The following MCMDC2 variants were observed in gnomAD, a reference collection of about 807,000 sequenced individuals.
MCMDC2 encodes the protein minichromosome maintenance domain containing 2, also known as minichromosome maintenance domain-containing protein 2.
MCMDC2 carries 54 observed loss-of-function variants against 75.8 expected under a neutral mutation model. That is an observed-to-expected ratio of 0.71 (90% confidence interval 0.57 to 0.89). The LOEUF is 0.89. Ranked by LOEUF, MCMDC2 falls within the 40% of genes least tolerant of loss-of-function variation. MCMDC2 has a pLI of 0.00. For missense variants in MCMDC2, 656 were observed against 780.4 expected (o/e 0.84, Z 1.90); for synonymous variants, 249 against 274.6 (o/e 0.91, Z 0.92).
chr8:66,896,729 G>A (rs971079994), intron 11 of MCMDC2, 51 bp from the exon 12 acceptor site: 3 of 1,333,972 alleles, frequency 2.2e-6, no homozygotes, highest in Non-Finnish European at 3.0e-6. Flanking sequence ...TTTCCAAATT[G>A]TGAAAATTAC....
At chr8:66,922,337 G>C (rs1813579005), downstream of MCMDC2, 1 of 306,058 alleles carries the variant, frequency 3.3e-6, no homozygotes, top group Non-Finnish European at 6.6e-6. Context: ...AGGTAACGAA[G>C]CAGAAGTATT....
At chr8:66,923,155 T>A (rs1813615439), downstream of MCMDC2, among the ~76,000 whole-genome samples, 1 of 152,192 alleles carries the variant, frequency 6.6e-6, no homozygotes, top group South Asian at 2.1e-4. Flanking sequence ...GGATGAGCTA[T>A]GAGCCAGGTT....
At chr8:66,889,675 T>C (rs1453123806) in intron 9 of MCMDC2, among the ~76,000 whole-genome samples, 2 of 152,068 alleles carry the variant, frequency 1.3e-5, no homozygotes, top group Non-Finnish European at 2.9e-5. Flanking sequence ...GGCTTGTGTC[T>C]GTGGTCCCAG....
intron 1 of MCMDC2, among the ~76,000 whole-genome samples, 166 bp from the exon 2 acceptor site, chr8:66,873,886 CA>C (rs901398913): frequency 3.8e-4 from 52 of 137,646 alleles, no homozygotes; most frequent in East Asian, 1.0e-3. Flanking sequence ...GACTCCATCT[CA>C]AAAAAAAAAA....
rs1402463146 is a variant in MCMDC2, at chr8:66,874,218, T to C, written c.78T>C (p.Asp26=). 6.2e-7 allele frequency: 1 copy of C among 1,612,140 alleles called. No homozygotes were observed. Among genetic ancestry groups the C allele is most frequent in the Admixed American group, 1.7e-5 (1 of 59,618 alleles). The change falls in exon 2 of 15, where the codon GAT becomes GAC. Residue 26 remains aspartate, a synonymous_variant. Coordinates refer to ENST00000422365, the MANE Select transcript of MCMDC2 (RefSeq NM_173518.5). ...RSGGLQKFID[D]CKYYNDSKQS... ...GAGGCCTCCAAAAGTTTATAGATGA[T>C]TGCAAGTACTACAATGGTACGTTCA... is the stretch of plus-strand genomic sequence containing the variant.
intron 14 of MCMDC2, among the ~76,000 whole-genome samples, chr8:66,913,039 G>A (rs760050730): frequency 1.4e-4 from 21 of 151,408 alleles, no homozygotes; most frequent in Non-Finnish European, 2.5e-4. Context: ...AAACTTCATT[G>A]TTGTCTCATT....
At chr8:66,874,922 A>AAG (rs1348754878) in intron 4 of MCMDC2, among the ~76,000 whole-genome samples, 1 of 151,842 alleles carries the variant, frequency 6.6e-6, no homozygotes, top group Non-Finnish European at 1.5e-5. Flanking sequence ...CGCTCAGCTA[A>AAG]TTTTTGTATT....
chr8:66,892,712 C>G (rs1388287949), intron 10 of MCMDC2, among the ~76,000 whole-genome samples: 1 of 152,190 alleles, frequency 6.6e-6, no homozygotes, highest in African/African-American at 2.4e-5. Flanking sequence ...CCACCCAGAA[C>G]TGGCAGCCTG....
intron 7 of MCMDC2, among the ~76,000 whole-genome samples, chr8:66,879,246 G>T (rs1310885694): frequency 1.3e-5 from 2 of 151,932 alleles, no homozygotes; most frequent in Admixed American, 1.3e-4. Context: ...ACTCCAGTCT[G>T]GGCAACAGAG....
At position 66,896,819 on chromosome 8, in the gene MCMDC2, G is replaced by A. The variant is rs1397426583; in HGVS notation, c.1486G>A (p.Gly496Ser). ...LIPANLVEAF[G>S]LLINCNESSP... ...TCCAGCTAACCTTGTGGAGGCATTTGGTTTATTGATTAACTGCAACGAGTC... is the reference window on the plus strand; with the variant it reads ...TCCAGCTAACCTTGTGGAGGCATTTAGTTTATTGATTAACTGCAACGAGTC... Residue 496 changes from glycine (G) to serine (S), a missense_variant, in exon 12 of 15, where the codon GGT (glycine) becomes AGT (serine). Coordinates refer to ENST00000422365, the MANE Select transcript of MCMDC2 (RefSeq NM_173518.5). The A allele has an allele frequency of 3.7e-6, 6 of 1,612,924 alleles. No individual in the cohort carries two copies. Among genetic ancestry groups the A allele is most frequent in the Admixed American group, 1.7e-5 (1 of 59,800 alleles).
In MCMDC2 at chr8:66,921,697, G is replaced by A. The variant is rs1425320703; in HGVS notation, c.*2528G>A. On this transcript the variant is annotated 3_prime_UTR_variant, in exon 15 of 15. Coordinates refer to ENST00000422365, the MANE Select transcript of MCMDC2 (RefSeq NM_173518.5). Reference sequence around the variant, plus strand: ...AAAGGTGAAACCTTTATCTGTAAGGGGGAATTTGATTGCTATTTGGTATTA... The same window carrying A: ...AAAGGTGAAACCTTTATCTGTAAGGAGGAATTTGATTGCTATTTGGTATTA... The A allele has an allele frequency of 6.6e-6, 1 of 152,184 alleles. No homozygotes were observed. Among genetic ancestry groups the A allele is most frequent in the African/African-American group, 2.4e-5 (1 of 41,444 alleles). The allele number at this position is 152,184 out of a possible 1,614,324, so 9.4% of individuals were successfully genotyped here. A position where few individuals can be genotyped will look rare whatever the true frequency, so the allele number is the denominator to read the frequency against.
Position 66,919,263 on chromosome 8 carries a change from C to A in MCMDC2, c.*94C>A. 1.0e-6 allele frequency: 1 copy of A among 979,464 alleles called. No homozygotes were observed. Among genetic ancestry groups the A allele is most frequent in the Non-Finnish European group, 1.5e-6 (1 of 669,952 alleles). 60.7% of individuals were successfully genotyped at this position (979,464 alleles called of 1,614,324 possible). ...ACTTTGAAGTAATGCTTTGATAATA[C>A]TCTGTACAGGAATATATTACAATAC... On this transcript the variant is annotated 3_prime_UTR_variant, in exon 15 of 15. Coordinates refer to ENST00000422365, the MANE Select transcript of MCMDC2 (RefSeq NM_173518.5).
rs1387081658 is a variant in MCMDC2 at position 66,921,047 on chromosome 8, C to G, written c.*1878C>G. 6.6e-6 allele frequency: 1 copy of G among 152,012 alleles called. No individual in the cohort carries two copies. The highest frequency in any genetic ancestry group is 2.4e-5 in the African/African-American group (1 of 41,358). 9.4% of individuals were successfully genotyped at this position (152,012 alleles called of 1,614,324 possible). A position where few individuals can be genotyped will look rare whatever the true frequency, so the allele number is the denominator to read the frequency against. ...TCACCCAAGCTGTAGTGTACTGATG[C>G]AATCATAGCTCACTGCCACCTTAAT... On this transcript the variant is annotated 3_prime_UTR_variant, in exon 15 of 15. Transcript: ENST00000422365.
rs188460622 is a variant in MCMDC2, at chr8:66,884,306, C to G, written c.1073+312C>G. ...GTACTTTGTTTTGAATAGTCTTCCC[C>G]CTAAGGAACAAACTAACCATTTTCT... On this transcript the variant is annotated intron_variant, in intron 9 of 14. Transcript: ENST00000422365. 3.9e-3 allele frequency: 1,417 copies of G among 364,698 alleles called. 17 individuals carry two copies. The highest frequency in any genetic ancestry group is 0.011 in the East Asian group (262 of 24,080). 22.6% of individuals were successfully genotyped at this position (364,698 alleles called of 1,614,324 possible). A position where few individuals can be genotyped will look rare whatever the true frequency, so the allele number is the denominator to read the frequency against.
intron 14 of MCMDC2, among the ~76,000 whole-genome samples, chr8:66,917,446 G>A (rs1256433644): frequency 1.3e-5 from 2 of 152,190 alleles, no homozygotes; most frequent in Non-Finnish European, 2.9e-5. Context: ...ATTTTAAAAT[G>A]TTCAGTTCAG....
At chr8:66,913,759 G>A (rs1320138932) in intron 14 of MCMDC2, among the ~76,000 whole-genome samples, 1 of 151,682 alleles carries the variant, frequency 6.6e-6, no homozygotes, top group Non-Finnish European at 1.5e-5. Flanking sequence ...GAGGTCAGGA[G>A]TTTGAGACCA....
At chr8:66,894,643 T>C (rs1812257265) in intron 10 of MCMDC2, among the ~76,000 whole-genome samples, 1 of 152,204 alleles carries the variant, frequency 6.6e-6, no homozygotes, top group African/African-American at 2.4e-5. Flanking sequence ...GATAAAAGTA[T>C]TGTACAATAT....
chr8:66,905,684 C>T (rs1812878207), intron 14 of MCMDC2, among the ~76,000 whole-genome samples: 1 of 152,118 alleles, frequency 6.6e-6, no homozygotes, highest in Admixed American at 6.6e-5. Context: ...CAATCCCCCA[C>T]AGTGGAGTTA....
At chr8:66,873,864 G>C (rs1811142537) in intron 1 of MCMDC2, among the ~76,000 whole-genome samples, 189 bp from the exon 2 acceptor site, 2 of 151,724 alleles carry the variant, frequency 1.3e-5, no homozygotes, top group South Asian at 4.2e-4. Flanking sequence ...TCCAGCCTGG[G>C]CAACAGAGCG....
Sources: gnomAD v4.1 joint callset for allele counts (sites outside exome capture counted in the v4.1 genomes callset) on GRCh38, gnomAD v4.1.1 for gene constraint, MANE v1.5 for transcripts, NCBI Gene and HGNC (gene_info 2026-07-23, HGNC 2026-07-21) for gene names.